The following PDE2A variants were observed in gnomAD, a reference collection of about 807,000 sequenced individuals.
The protein encoded by PDE2A is cGMP-dependent 3',5'-cyclic phosphodiesterase.
PDE2A carries 53 observed loss-of-function variants against 133.6 expected under a neutral mutation model. The ratio of observed to expected loss-of-function variants is 0.40; its 90% CI spans 0.32 to 0.50. PDE2A has a LOEUF of 0.50. PDE2A is among the 20% of genes least tolerant of loss of function. The probability of loss-of-function intolerance (pLI) is 0.73; values close to 1 mark genes in which losing one functional copy is unlikely to be tolerated. For synonymous variants in PDE2A, 491 were observed against 490.2 expected (o/e 1.00, Z -0.02); for missense variants, 796 against 1,232.4 (o/e 0.65, Z 5.30).
intron 2 of PDE2A, among the ~76,000 whole-genome samples, chr11:72,609,831 A>T (rs1857123127): frequency 6.6e-6 from 1 of 151,478 alleles, no homozygotes; most frequent in Admixed American, 6.7e-5. Context: ...CTGGGTCCCC[A>T]TTCATGTGAA....
At chr11:72,614,801 G>A (rs1295277687) in intron 2 of PDE2A, among the ~76,000 whole-genome samples, 7 of 152,230 alleles carry the variant, frequency 4.6e-5, no homozygotes, top group Non-Finnish European at 2.9e-5. Flanking sequence ...ATGAGGGGAC[G>A]CCCCAGGGAA....
chr11:72,584,840 T>C (rs769865084), intron 17 of PDE2A, 32 bp downstream of exon 17: 21 of 1,610,808 alleles, frequency 1.3e-5, no homozygotes, highest in Non-Finnish European at 1.7e-5. Context: ...CGGACACCCC[T>C]AGGGCCACAT....
chr11:72,617,157 G>A (rs998261653), intron 2 of PDE2A, among the ~76,000 whole-genome samples: 1 of 152,372 alleles, frequency 6.6e-6, no homozygotes, highest in East Asian at 1.9e-4. Flanking sequence ...TGTCGGGTAA[G>A]GCTGAGTATC....
chr11:72,656,194 G>A (rs1304484699), intron 1 of PDE2A, among the ~76,000 whole-genome samples: 2 of 152,194 alleles, frequency 1.3e-5, no homozygotes, highest in East Asian at 1.9e-4. Context: ...AGGGCCAGAC[G>A]CTAGGCCCAG....
chr11:72,651,869 G>A (rs1854750699), intron 1 of PDE2A, among the ~76,000 whole-genome samples: 1 of 152,158 alleles, frequency 6.6e-6, no homozygotes, highest in Non-Finnish European at 1.5e-5. Flanking sequence ...ACCTTCCCTG[G>A]TGGCCTGAAG....
At position 72,636,638 on chromosome 11, in the gene PDE2A, C is replaced by G. The variant is rs553193874; in HGVS notation, c.144+5616G>C. ...TCTCAGAGACTGCACAAAACCCATC[C>G]AGACACCTGGGTGGGGCAGCATTCT... On this transcript the variant is annotated intron_variant, in intron 2 of 30. Coordinates refer to ENST00000334456, the MANE Select transcript of PDE2A (RefSeq NM_002599.5). Among the ~76,000 whole-genome samples, 4 of 152,266 alleles carry G rather than the reference C, an allele frequency of 2.6e-5. No homozygotes were observed. The East Asian group carries it at 7.7e-4, about 29-fold the overall frequency.
chr11:72,672,160 AT>A (rs1330898215), intron 1 of PDE2A, among the ~76,000 whole-genome samples: 1 of 144,534 alleles, frequency 6.9e-6, no homozygotes, highest in African/African-American at 2.6e-5. Context: ...AGGTTTCTTT[AT>A]TTTTCTTCTT....
At position 72,589,252 on chromosome 11, in the gene PDE2A, G is replaced by A. The variant is rs1856121656; in HGVS notation, c.874-12C>T. ...AGGCATCCTGTCAACTAGGGGGTGA[G>A]GAGAGACTGAGTCAGGGCCCAGTAC... On this transcript the variant is annotated splice_polypyrimidine_tract_variant and intron_variant, in intron 11 of 30. Transcript: ENST00000334456. The A allele has an allele frequency of 6.2e-7, 1 of 1,609,042 alleles. No homozygotes were observed. The highest frequency in any genetic ancestry group is 8.5e-7 in the Non-Finnish European group (1 of 1,175,922).
chr11:72,670,076 CTGAACTCCTATAG>C (rs1332796935), intron 1 of PDE2A, among the ~76,000 whole-genome samples: 1 of 152,168 alleles, frequency 6.6e-6, no homozygotes, highest in African/African-American at 2.4e-5. Context: ...CTAGGCCACT[CTGAACTCCTATAG>C]TGCTAAGTGA....
intron 21 of PDE2A, 46 bp downstream of exon 21, chr11:72,582,398 C>A: frequency 6.3e-7 from 1 of 1,592,318 alleles, no homozygotes. Context: ...AAGCCTCTGG[C>A]TACATACCTT....
intron 2 of PDE2A, among the ~76,000 whole-genome samples, chr11:72,628,334 T>C (rs982349030): frequency 1.1e-5 from 1 of 90,198 alleles, no homozygotes; most frequent in African/African-American, 6.0e-5. Flanking sequence ...ATAGAGGTTC[T>C]TTTTTTTTTT....
chr11:72,581,608 T>A, intron 22 of PDE2A, 129 bp from the exon 23 acceptor site: 1 of 1,081,780 alleles, frequency 9.2e-7, no homozygotes, highest in Non-Finnish European at 1.3e-6. Flanking sequence ...GACTCTGTCT[T>A]AGCAGGAAGT....
At chr11:72,665,112 G>C (rs1401700002) in intron 1 of PDE2A, among the ~76,000 whole-genome samples, 5 of 152,108 alleles carry the variant, frequency 3.3e-5, no homozygotes, top group Admixed American at 3.3e-4. Flanking sequence ...GGCCCACTGA[G>C]AGTTTTAAGA....
At chr11:72,596,027 C>T (rs1230244006) in intron 6 of PDE2A, among the ~76,000 whole-genome samples, 1 of 152,162 alleles carries the variant, frequency 6.6e-6, no homozygotes, top group Non-Finnish European at 1.5e-5. Context: ...CAGCCTCAGC[C>T]CTGGGTCTGG....
chr11:72,631,188 C>T, intron 2 of PDE2A: 2 of 1,450,386 alleles, frequency 1.4e-6, no homozygotes, highest in South Asian at 2.7e-5. Context: ...GCCTTCTCCC[C>T]TTCTCCCCAG....
At position 72,603,410 on chromosome 11, in the gene PDE2A, C is replaced by T. The variant is rs1460210004; in HGVS notation, c.323+1728G>A. On this transcript the variant is annotated intron_variant, in intron 4 of 30. Coordinates refer to ENST00000334456, the MANE Select transcript of PDE2A (RefSeq NM_002599.5). ...CTCAAAAATGCCTGGACCGCAGATA[C>T]GCACCCACTCTACATGCCCAGACAG... Among the ~76,000 whole-genome samples the T allele has an allele frequency of 4.6e-5, 7 of 152,158 alleles. No homozygotes were observed. In the East Asian group the frequency reaches 1.2e-3, roughly 25 times the overall value.
In PDE2A at chr11:72,590,655, T is replaced by G. The variant is rs1251040658; in HGVS notation, c.550-75A>C. The G allele has an allele frequency of 3.1e-6, 4 of 1,278,024 alleles. No homozygotes were observed. The highest frequency in any genetic ancestry group is 4.0e-6 in the Non-Finnish European group (4 of 1,000,264). The allele number at this position is 1,278,024 out of a possible 1,614,324, so 79.2% of individuals were successfully genotyped here. On this transcript the variant is annotated intron_variant, in intron 7 of 30. Transcript: ENST00000334456. This position sits in a 1 kb window ranked among gnomAD's most constrained non-coding sequence, Gnocchi z 4.8. ...CTTGCTGCAGCGGGATTCCTGCCTTTGCTCCCGCCGTTCCCTCTGCCTGCC... is the reference window on the plus strand; with the variant it reads ...CTTGCTGCAGCGGGATTCCTGCCTTGGCTCCCGCCGTTCCCTCTGCCTGCC...
At chr11:72,591,595 A>G (rs1366739966) in intron 6 of PDE2A, among the ~76,000 whole-genome samples, 4 of 152,170 alleles carry the variant, frequency 2.6e-5, no homozygotes. Context: ...TGCCTTTTCA[A>G]TCACTGTCTC....
At chr11:72,664,525 C>T (rs1057457792) in intron 1 of PDE2A, among the ~76,000 whole-genome samples, 1 of 151,176 alleles carries the variant, frequency 6.6e-6, no homozygotes, top group Non-Finnish European at 1.5e-5. Flanking sequence ...AGGCGCCCCC[C>T]ACCACGCCCG....
Sources: gnomAD v4.1 joint callset for allele counts (sites outside exome capture counted in the v4.1 genomes callset) on GRCh38, gnomAD v4.1.1 for gene constraint, Gnocchi (gnomAD v3.1) non-coding constraint, MANE v1.5 for transcripts, NCBI Gene and HGNC (gene_info 2026-07-23, HGNC 2026-07-21) for gene names.